Variants in ST8SIA3 observed in about 807,000 individuals in gnomAD.
The protein encoded by ST8SIA3 is ST8 alpha-N-acetyl-neuraminide alpha-2,8-sialyltransferase 3.
In ST8SIA3, 17 loss-of-function variants were observed where a neutral mutation model predicts 34.5. The observed-to-expected ratio is 0.49, with a 90% CI of 0.34 to 0.74. The LOEUF (loss-of-function observed/expected upper bound fraction) is 0.74. Ranked by LOEUF, ST8SIA3 falls within the 30% of genes least tolerant of loss-of-function variation. The pLI is 0.01. For missense variants in ST8SIA3, 354 were observed against 467.8 expected (o/e 0.76, Z 2.24); for synonymous variants, 172 against 176.1 (o/e 0.98, Z 0.19).
rs908771407 is a variant in ST8SIA3, at chr18:57,365,181, G to A, written c.*4904G>A. 5 of 152,172 alleles carry A rather than the reference G, an allele frequency of 3.3e-5. No homozygotes were observed. Among genetic ancestry groups the A allele is most frequent in the South Asian group, 4.1e-4 (2 of 4,830 alleles). 9.4% of individuals were successfully genotyped at this position (152,172 alleles called of 1,614,324 possible). On this transcript the variant is annotated 3_prime_UTR_variant, in exon 4 of 4. Coordinates refer to ENST00000324000, the MANE Select transcript of ST8SIA3 (RefSeq NM_015879.3). ...ACTTACAAAGATTCCCAGGTGATTC[G>A]TGTGACCACCATTTGGAAACCAGTA...
chr18:57,363,259 C>T lies in ST8SIA3; in HGVS notation c.*2982C>T, dbSNP rs1265063306. 6.6e-6 allele frequency: 1 copy of T among 152,178 alleles called. No individual in the cohort carries two copies. Among genetic ancestry groups the T allele is most frequent in the Non-Finnish European group, 1.5e-5 (1 of 68,034 alleles). The allele number at this position is 152,178 out of a possible 1,614,324, so 9.4% of individuals were successfully genotyped here. On this transcript the variant is annotated 3_prime_UTR_variant, in exon 4 of 4. Transcript: ENST00000324000. ...TGCTTAATGCTAGACGCTCTGTTTT[C>T]ACTGGTTATTCTGAGTGTCATATGC...
intron 2 of ST8SIA3, 67 bp downstream of exon 2, chr18:57,354,591 AAAAAC>A: frequency 6.3e-7 from 1 of 1,581,090 alleles, no homozygotes; most frequent in Non-Finnish European, 8.6e-7. Context: ...AAAACAAAAC[AAAAAC>A]AAGCAAACAA....
Position 57,352,898 on chromosome 18 carries a change from C to A in ST8SIA3, c.52C>A (p.Leu18Ile). The change falls in exon 1 of 4, where the codon CTC becomes ATC. Residue 18 changes from leucine to isoleucine, a missense_variant. Transcript: ENST00000324000. Reference sequence around the variant, plus strand: ...CGCCAGTGTGCTGGGGCTGGTCATGCTCAGCGTCGCCCTGCTGATTTTATC... The same window carrying A: ...CGCCAGTGTGCTGGGGCTGGTCATGATCAGCGTCGCCCTGCTGATTTTATC... The part of the protein sequence containing the change: ...RVASVLGLVM[L>I]SVALLILSLI... 2 of 1,613,854 alleles carry A rather than the reference C, an allele frequency of 1.2e-6. No homozygotes were observed. The highest frequency in any genetic ancestry group is 1.7e-6 in the Non-Finnish European group (2 of 1,179,974).
At chr18:57,354,664 ATTG>A (rs2049788069) in intron 2 of ST8SIA3, 140 bp downstream of exon 2, 1 of 992,478 alleles carries the variant, frequency 1.0e-6, no homozygotes, top group African/African-American at 1.7e-5. Flanking sequence ...GTGTATCTGC[ATTG>A]TTTTCTTGGC....
intron 1 of ST8SIA3, among the ~76,000 whole-genome samples, chr18:57,353,722 T>G (rs891964420): frequency 9.9e-5 from 15 of 152,250 alleles, no homozygotes; most frequent in East Asian, 9.7e-4. Context: ...AGGCGCAGCT[T>G]GACGCCGCTC....
intron 1 of ST8SIA3, among the ~76,000 whole-genome samples, chr18:57,353,449 C>T (rs1206598690): frequency 6.6e-6 from 1 of 152,128 alleles, no homozygotes; most frequent in Non-Finnish European, 1.5e-5. Context: ...GCGGTGCTGG[C>T]GGTTTAATGG....
In ST8SIA3 at chr18:57,352,781, C is replaced by A. The variant is rs764624562; in HGVS notation, c.-66C>A. 2.5e-5 allele frequency: 32 copies of A among 1,262,350 alleles called. No individual in the cohort carries two copies. Among genetic ancestry groups the A allele is most frequent in the Non-Finnish European group, 3.5e-5 (31 of 875,182 alleles). 78.2% of individuals were successfully genotyped at this position (1,262,350 alleles called of 1,614,324 possible). A position where few individuals can be genotyped will look rare whatever the true frequency, so the allele number is the denominator to read the frequency against. On this transcript the variant is annotated 5_prime_UTR_variant, in exon 1 of 4. Transcript: ENST00000324000. ...ACACACACACACACATATATACACGCCAGCGAGCTGCTGGCCGCTCAATGG... is the reference window on the plus strand; with the variant it reads ...ACACACACACACACATATATACACGACAGCGAGCTGCTGGCCGCTCAATGG...
rs745314937 is a variant in ST8SIA3 at position 57,352,730 on chromosome 18, G to GCACA, written c.-116_-115insACAC. ...CCCCTCCTCCGCCACACGCGCGCGC[G>GCACA]CTCACACACACACACACACACACAC... On this transcript the variant is annotated 5_prime_UTR_variant, in exon 1 of 4. Transcript: ENST00000324000. 3.9e-5 allele frequency: 7 copies of GCACA among 179,776 alleles called. No individual in the cohort carries two copies. Among genetic ancestry groups the GCACA allele is most frequent in the Admixed American group, 8.1e-5 (1 of 12,380 alleles). The allele number at this position is 179,776 out of a possible 1,614,324, so 11.1% of individuals were successfully genotyped here.
At chr18:57,356,407 A>G (rs1050536233) in intron 2 of ST8SIA3, among the ~76,000 whole-genome samples, 1 of 152,204 alleles carries the variant, frequency 6.6e-6, no homozygotes, top group African/African-American at 2.4e-5. Flanking sequence ...TATTTTAATA[A>G]TAGATAGTGC....
In ST8SIA3 at chr18:57,354,432, G is replaced by A. The variant is rs987810090; in HGVS notation, c.210G>A (p.Pro70=). ...RSQFALKFLD[P]SFVPITNSLT... Reference sequence around the variant, plus strand: ...AATTTGCGCTGAAGTTTCTAGACCCGTCATTCGTGCCCATTACGAATTCTC... The same window carrying A: ...AATTTGCGCTGAAGTTTCTAGACCCATCATTCGTGCCCATTACGAATTCTC... Residue 70 remains proline, a synonymous_variant, in exon 2 of 4, where the codon CCG becomes CCA. Coordinates refer to ENST00000324000, the MANE Select transcript of ST8SIA3 (RefSeq NM_015879.3). 3.7e-6 allele frequency: 6 copies of A among 1,613,968 alleles called. No individual in the cohort carries two copies. The highest frequency in any genetic ancestry group is 1.7e-5 in the Admixed American group (1 of 60,000).
chr18:57,366,261 G>A lies in ST8SIA3; in HGVS notation c.*5984G>A, dbSNP rs977765919. 6 of 152,298 alleles carry A rather than the reference G, an allele frequency of 3.9e-5. No homozygotes were observed. The highest frequency in any genetic ancestry group is 1.4e-4 in the African/African-American group (6 of 41,412). The allele number at this position is 152,298 out of a possible 1,614,324, so 9.4% of individuals were successfully genotyped here. A position where few individuals can be genotyped will look rare whatever the true frequency, so the allele number is the denominator to read the frequency against. ...CATTTCCATGTTGGTTAGTTTTACTGATTTTTAGTAAAAGAGCATATTATT... is the reference window on the plus strand; with the variant it reads ...CATTTCCATGTTGGTTAGTTTTACTAATTTTTAGTAAAAGAGCATATTATT... On this transcript the variant is annotated 3_prime_UTR_variant, in exon 4 of 4. Transcript: ENST00000324000.
In ST8SIA3 at chr18:57,360,262, G is replaced by A. The variant is rs1010746792; in HGVS notation, c.1128G>A (p.Leu376=). 1.2e-6 allele frequency: 2 copies of A among 1,613,780 alleles called. No homozygotes were observed. The highest frequency in any genetic ancestry group is 1.7e-6 in the Non-Finnish European group (2 of 1,179,780). Residue 376 remains leucine, a synonymous_variant, in exon 4 of 4, where the codon CTG becomes CTA. Coordinates refer to ENST00000324000, the MANE Select transcript of ST8SIA3 (RefSeq NM_015879.3). ...GGGAAGGGCTCACCAAGCTGACTCT[G>A]TCACACTGTGCCTAAGAACTCCAAA... ...MHGEGLTKLT[L]SHCA
At position 57,352,594 on chromosome 18, in the gene ST8SIA3, G is replaced by T; in HGVS notation, c.-253G>T. On this transcript the variant is annotated 5_prime_UTR_variant, in exon 1 of 4. Coordinates refer to ENST00000324000, the MANE Select transcript of ST8SIA3 (RefSeq NM_015879.3). ...CGCCGCGCAGCCCCTCCATCTTCCT[G>T]CTCGGCACCGGGCCCCGCGCGCCCC... 1 of 510,226 alleles carries T rather than the reference G, an allele frequency of 2.0e-6. No individual in the cohort carries two copies. The highest frequency in any genetic ancestry group is 2.8e-5 in the Admixed American group (1 of 35,744). 31.6% of individuals were successfully genotyped at this position (510,226 alleles called of 1,614,324 possible). A position where few individuals can be genotyped will look rare whatever the true frequency, so the allele number is the denominator to read the frequency against.
chr18:57,354,869 AC>A (rs2049789956), intron 2 of ST8SIA3, among the ~76,000 whole-genome samples: 2 of 151,952 alleles, frequency 1.3e-5, no homozygotes, highest in African/African-American at 2.4e-5. Context: ...AAAAAAAAAA[AC>A]AGACAAAAGG....
chr18:57,358,990 G>C (rs2049814215), intron 3 of ST8SIA3, among the ~76,000 whole-genome samples: 1 of 152,204 alleles, frequency 6.6e-6, no homozygotes, highest in African/African-American at 2.4e-5. Context: ...AAATCTTCAA[G>C]TAGTGAAGAA....
At chr18:57,358,650 C>G (rs1437711421) in intron 3 of ST8SIA3, among the ~76,000 whole-genome samples, 1 of 152,160 alleles carries the variant, frequency 6.6e-6, no homozygotes, top group Non-Finnish European at 1.5e-5. Context: ...CAAACTGGGA[C>G]TGTCCCAGTT....
At chr18:57,358,383 T>C (rs576403004) in intron 3 of ST8SIA3, among the ~76,000 whole-genome samples, 1 of 152,312 alleles carries the variant, frequency 6.6e-6, no homozygotes, top group Non-Finnish European at 1.5e-5. Flanking sequence ...TATTATAAGT[T>C]GGGGTGGGTT....
chr18:57,353,249 T>C (rs1208858915), intron 1 of ST8SIA3, among the ~76,000 whole-genome samples: 1 of 152,140 alleles, frequency 6.6e-6, no homozygotes, highest in African/African-American at 2.4e-5. Context: ...TGTGATTGCA[T>C]TTCTCGTATT....
rs1024440264 is a variant in ST8SIA3, at chr18:57,360,274, C to G, written c.1140C>G (p.Ala380=). ...CCAAGCTGACTCTGTCACACTGTGC[C>G]TAAGAACTCCAAACGGAAAGCGCCA... ...GLTKLTLSHC[A] is the part of the protein sequence containing the mutation. The change falls in exon 4 of 4, where the codon GCC becomes GCG. Residue 380 remains alanine, a synonymous_variant. Coordinates refer to ENST00000324000, the MANE Select transcript of ST8SIA3 (RefSeq NM_015879.3). The G allele has an allele frequency of 4.3e-6, 7 of 1,610,776 alleles. No individual in the cohort carries two copies. The highest frequency in any genetic ancestry group is 1.7e-5 in the Admixed American group (1 of 59,768).
Sources: gnomAD v4.1 joint callset for allele counts (sites outside exome capture counted in the v4.1 genomes callset) on GRCh38, gnomAD v4.1.1 for gene constraint, MANE v1.5 for transcripts, NCBI Gene and HGNC (gene_info 2026-07-23, HGNC 2026-07-21) for gene names.